The following DCAF8 variants were observed in gnomAD, a reference collection of about 807,000 sequenced individuals.
DCAF8 encodes the protein DDB1- and CUL4-associated factor 8.
DCAF8 carries 20 observed loss-of-function variants against 68.0 expected under a neutral mutation model. The observed-to-expected ratio is 0.29, with a 90% confidence interval of 0.21 to 0.43. The LOEUF (loss-of-function observed/expected upper bound fraction) is 0.43. Among genes scored for constraint, DCAF8 ranks in the 20% least tolerant of loss-of-function variants. The probability of loss-of-function intolerance (pLI) is 1.00; values close to 1 mark genes in which losing one functional copy is unlikely to be tolerated. For synonymous variants in DCAF8, 230 were observed against 276.9 expected, an observed-to-expected ratio of 0.83 and a Z score of 1.68; for missense variants, 460 against 771.0, an observed-to-expected ratio of 0.60 and a Z score of 4.78.
In DCAF8 at chr1:160,241,644, G is replaced by A. The variant is rs1455064735; in HGVS notation, c.50-1274C>T. 1.3e-5 allele frequency among the ~76,000 whole-genome samples: 2 copies of A among 152,186 alleles called. 1 individual carries two copies. Among genetic ancestry groups the A allele is most frequent in the Non-Finnish European group, 2.9e-5 (2 of 68,030 alleles). ...CTAAGTCAAGGTGTGAAGAAAAAAGGGGAGAATAAAGATTTTAAATGCTGC... is the reference window on the plus strand; with the variant it reads ...CTAAGTCAAGGTGTGAAGAAAAAAGAGGAGAATAAAGATTTTAAATGCTGC... On this transcript the variant is annotated intron_variant, in intron 3 of 13. Transcript: ENST00000368074.
intron 2 of DCAF8, among the ~76,000 whole-genome samples, chr1:160,256,354 C>T (rs557788731): frequency 6.6e-6 from 1 of 152,228 alleles, no homozygotes; most frequent in African/African-American, 2.4e-5. Context: ...TCCCAAGGTA[C>T]AACTTACAAT....
intron 2 of DCAF8, among the ~76,000 whole-genome samples, chr1:160,244,350 T>C (rs770375525): frequency 2.9e-4 from 44 of 152,206 alleles, no homozygotes; most frequent in Non-Finnish European, 6.0e-4. Context: ...AGGAGGCACA[T>C]ATCAAATGAC....
Position 160,229,938 on chromosome 1 carries a change from G to A in DCAF8, c.1070+1359C>T, listed in dbSNP as rs532926438. Among the ~76,000 whole-genome samples, 53 of 151,976 alleles carry A rather than the reference G, an allele frequency of 3.5e-4. 1 individual carries two copies. The highest frequency in any genetic ancestry group is 6.6e-4 in the Non-Finnish European group (45 of 67,998). Reference sequence around the variant, plus strand: ...CTCGGGAGGCTGAGGCAGGAGAATCGCTTGAACCCGGGAAGCGGAGGTTGC... The same window carrying A: ...CTCGGGAGGCTGAGGCAGGAGAATCACTTGAACCCGGGAAGCGGAGGTTGC... On this transcript the variant is annotated intron_variant, in intron 7 of 13. Coordinates refer to ENST00000368074, the MANE Select transcript of DCAF8 (RefSeq NM_015726.4).
At chr1:160,227,981 A>G (rs979684732) in intron 7 of DCAF8, among the ~76,000 whole-genome samples, 5 of 152,126 alleles carry the variant, frequency 3.3e-5, no homozygotes, top group African/African-American at 4.8e-5. Context: ...TGTAGCCTCA[A>G]ACTCCTGGGC....
chr1:160,259,449 C>G (rs772740255), intron 2 of DCAF8, among the ~76,000 whole-genome samples: 63 of 152,118 alleles, frequency 4.1e-4, no homozygotes, highest in Non-Finnish European at 6.2e-4. Flanking sequence ...AGGAGAATCG[C>G]TTGAACCAGG....
At chr1:160,254,787 T>C (rs1656763324) in intron 2 of DCAF8, among the ~76,000 whole-genome samples, 1 of 145,896 alleles carries the variant, frequency 6.9e-6, no homozygotes, top group African/African-American at 2.5e-5. Context: ...AGACTCCATC[T>C]AAAAAAAAAA....
intron 7 of DCAF8, among the ~76,000 whole-genome samples, chr1:160,228,907 G>A (rs1244911598): frequency 6.6e-6 from 1 of 152,206 alleles, no homozygotes; most frequent in Non-Finnish European, 1.5e-5. Context: ...TCAGTTGGCT[G>A]CACAGGAGAG....
At position 160,239,647 on chromosome 1, in the gene DCAF8, T is replaced by G. The variant is rs1656024991; in HGVS notation, c.723+50A>C. 4 of 1,614,194 alleles carry G rather than the reference T, an allele frequency of 2.5e-6. No homozygotes were observed. The East Asian group carries it at 8.9e-5, about 36-fold the overall frequency. On this transcript the variant is annotated intron_variant, in intron 4 of 13. Transcript: ENST00000368074. Reference sequence around the variant, plus strand: ...CAATCCATGCTGCAGTTCAGATTTCTCTAACTCATGCCTGATTCTCTCAGT... The same window carrying G: ...CAATCCATGCTGCAGTTCAGATTTCGCTAACTCATGCCTGATTCTCTCAGT...
intron 4 of DCAF8, 41 bp from the exon 5 acceptor site, chr1:160,238,788 T>A (rs1388111603): frequency 1.3e-6 from 2 of 1,556,396 alleles, no homozygotes; most frequent in African/African-American, 1.4e-5. Flanking sequence ...ACAAAAGAAA[T>A]GAGAGAGGTA....
intron 1 of DCAF8, 179 bp downstream of exon 1, chr1:160,262,270 A>T (rs1657131277): frequency 2.5e-6 from 1 of 398,998 alleles, no homozygotes. Context: ...GGAACGAGAC[A>T]CAGACCGGGT....
At position 160,244,026 on chromosome 1, in the gene DCAF8, G is replaced by A. The variant is rs1160471533; in HGVS notation, c.-18C>T. 5 of 1,614,006 alleles carry A rather than the reference G, an allele frequency of 3.1e-6. No individual in the cohort carries two copies. In the South Asian group the frequency reaches 5.5e-5, roughly 18 times the overall value. On this transcript the variant is annotated 5_prime_UTR_variant, in exon 3 of 14. Coordinates refer to ENST00000368074, the MANE Select transcript of DCAF8 (RefSeq NM_015726.4). ...CTGGACATCTTGAATGATGTTTGCT[G>A]TAGCCAGCCTGGGTTTGGGAGAGGA...
At chr1:160,220,090 A>G (rs1655248595) in intron 11 of DCAF8, 1 of 152,266 alleles carries the variant, frequency 6.6e-6, no homozygotes, top group African/African-American at 2.4e-5. Context: ...CATCTTACAA[A>G]TAAACAAATG....
At chr1:160,248,189 C>T (rs759871737) in intron 2 of DCAF8, among the ~76,000 whole-genome samples, 43 of 152,032 alleles carry the variant, frequency 2.8e-4, no homozygotes, top group Non-Finnish European at 5.0e-4. Context: ...TGCCCGTAGT[C>T]CCTGCTACTG....
intron 12 of DCAF8, 22 bp downstream of exon 12, chr1:160,218,827 A>G: frequency 6.2e-7 from 1 of 1,613,536 alleles, no homozygotes; most frequent in Non-Finnish European, 8.5e-7. Context: ...AAAGAAAATA[A>G]CTTCTGCAGT....
Position 160,260,668 on chromosome 1 carries a change from C to A in DCAF8, c.-27+617G>T, listed in dbSNP as rs143263508. ...CTGAATGCCCAGGATGTTTCTTCTG[C>A]TAACCAAGAATTCTTCAGACCAGCT... On this transcript the variant is annotated intron_variant, in intron 2 of 13. Transcript: ENST00000368074. 3.9e-5 allele frequency among the ~76,000 whole-genome samples: 6 copies of A among 152,148 alleles called. No homozygotes were observed. The East Asian group carries it at 1.2e-3, about 29-fold the overall frequency.
intron 2 of DCAF8, among the ~76,000 whole-genome samples, chr1:160,247,556 G>A (rs888175143): frequency 1.3e-5 from 2 of 152,080 alleles, no homozygotes; most frequent in Admixed American, 6.6e-5. Context: ...TCCCTTGTCC[G>A]GTGTATCCTC....
intron 1 of DCAF8, 160 bp downstream of exon 1, chr1:160,262,289 G>C (rs1657132641): frequency 2.5e-6 from 1 of 399,320 alleles, no homozygotes. Flanking sequence ...GTAGGTCAAG[G>C]GAGGGGGGGT....
chr1:160,254,532 G>A (rs1346892674), intron 2 of DCAF8, among the ~76,000 whole-genome samples: 2 of 151,362 alleles, frequency 1.3e-5, no homozygotes, highest in African/African-American at 4.9e-5. Flanking sequence ...CATGGCTCAC[G>A]CCTGTAATCC....
chr1:160,244,505 G>A (rs1656241883), intron 2 of DCAF8, among the ~76,000 whole-genome samples: 1 of 152,260 alleles, frequency 6.6e-6, no homozygotes, highest in South Asian at 2.1e-4. Flanking sequence ...AAAGAGGTGG[G>A]TCAGATTCTG....
Sources: gnomAD v4.1 joint callset for allele counts (sites outside exome capture counted in the v4.1 genomes callset) on GRCh38, gnomAD v4.1.1 for gene constraint, MANE v1.5 for transcripts, NCBI Gene and HGNC (gene_info 2026-07-23, HGNC 2026-07-21) for gene names.